APPL2: variants seen among roughly 807,000 people sequenced by gnomAD.
APPL2 encodes DCC-interacting protein 13-beta.
A neutral mutation model predicts 92.7 loss-of-function variants in APPL2; 84 were observed. That is an observed-to-expected ratio of 0.91 (90% CI 0.76 to 1.09). The LOEUF (loss-of-function observed/expected upper bound fraction) is 1.09. Ranked by LOEUF, APPL2 falls within the 50% of genes least tolerant of loss-of-function variation. The probability of loss-of-function intolerance (pLI) is 0.00; values close to 1 mark genes in which losing one functional copy is unlikely to be tolerated. For missense variants in APPL2, 736 were observed against 824.5 expected (o/e 0.89, Z 1.31); for synonymous variants, 291 against 291.0 (o/e 1.00, Z 0.00).
intron 19 of APPL2, 33 bp downstream of exon 19, chr12:105,176,843 G>A (rs780610422): frequency 1.2e-6 from 2 of 1,608,048 alleles, no homozygotes; most frequent in East Asian, 2.2e-5. Context: ...GTTTGGACTG[G>A]GATATTATGG....
intron 17 of APPL2, among the ~76,000 whole-genome samples, chr12:105,178,846 A>G (rs1457694962): frequency 6.6e-6 from 1 of 152,242 alleles, no homozygotes; most frequent in African/African-American, 2.4e-5. Flanking sequence ...TTTTGAATAT[A>G]GATCATAAAC....
chr12:105,185,444 A>G (rs1886514575), intron 17 of APPL2, among the ~76,000 whole-genome samples: 1 of 152,106 alleles, frequency 6.6e-6, no homozygotes, highest in Non-Finnish European at 1.5e-5. Flanking sequence ...GCAAAAGCCT[A>G]GTATCTGGGC....
chr12:105,187,565 C>T (rs1886839243), intron 17 of APPL2, among the ~76,000 whole-genome samples: 1 of 152,136 alleles, frequency 6.6e-6, no homozygotes, highest in East Asian at 1.9e-4. Flanking sequence ...GTAATGGAAG[C>T]CTTATATGTC....
At position 105,207,111 on chromosome 12, in the gene APPL2, T is replaced by C. The variant is rs1465027049; in HGVS notation, c.571A>G (p.Arg191Gly). The stretch of plus-strand genomic sequence containing the variant: ...GGCTCCATCATGGCCATTTGCTTTC[T>C]GTACTGCAGCGCGTTGAGGGCACAG... ...YYCALNALQY[R>G]KQMAMMEPMI... Residue 191 changes from arginine to glycine, a missense_variant, in exon 8 of 21, where the codon AGA (arginine) becomes GGA (glycine). Physicochemically the swap from Arg to Gly is moderately radical, Grantham distance 125. Coordinates refer to ENST00000258530, the MANE Select transcript of APPL2 (RefSeq NM_018171.5). 2 of 1,614,096 alleles carry C rather than the reference T, an allele frequency of 1.2e-6. No individual in the cohort carries two copies. The highest frequency in any genetic ancestry group is 1.1e-5 in the South Asian group (1 of 91,090).
chr12:105,215,654 G>A (rs1253131972), intron 4 of APPL2, among the ~76,000 whole-genome samples: 2 of 152,276 alleles, frequency 1.3e-5, no homozygotes, highest in East Asian at 3.9e-4. Context: ...AGTATCTACT[G>A]CAGATCAATA....
intron 1 of APPL2, among the ~76,000 whole-genome samples, chr12:105,234,637 G>A (rs188699147): frequency 6.6e-6 from 1 of 152,202 alleles, no homozygotes; most frequent in African/African-American, 2.4e-5. Flanking sequence ...GTTTCCATAA[G>A]TGCAAGGCAA....
At chr12:105,180,551 T>C (rs1886013117) in intron 17 of APPL2, among the ~76,000 whole-genome samples, 1 of 151,694 alleles carries the variant, frequency 6.6e-6, no homozygotes, top group African/African-American at 2.4e-5. Context: ...CACTATTACT[T>C]TGGGCAGTAT....
chr12:105,216,969 A>G, intron 4 of APPL2, 100 bp downstream of exon 4: 3 of 778,626 alleles, frequency 3.9e-6, no homozygotes, highest in Non-Finnish European at 6.3e-6. Flanking sequence ...ACCTTCTCAG[A>G]TATTTAAGTA....
intron 5 of APPL2, among the ~76,000 whole-genome samples, chr12:105,209,113 GT>G (rs1320857713): frequency 1.3e-5 from 2 of 151,794 alleles, no homozygotes; most frequent in African/African-American, 2.4e-5. Flanking sequence ...CAAGTTTTAG[GT>G]TTCTTTACTT....
intron 14 of APPL2, among the ~76,000 whole-genome samples, chr12:105,192,963 T>C (rs565436375): frequency 2.4e-4 from 37 of 151,258 alleles, no homozygotes; most frequent in Non-Finnish European, 3.7e-4. Flanking sequence ...TCTGATTCTT[T>C]CCCCCCCCAC....
At position 105,180,615 on chromosome 12, in the gene APPL2, A is replaced by G. The variant is rs540688561; in HGVS notation, c.1635-3353T>C. Reference sequence around the variant, plus strand: ...ATCCATGAGCATGGCATGTTTTTCCATTTGTTTGTGTCCTCTCTTATTTCC... The same window carrying G: ...ATCCATGAGCATGGCATGTTTTTCCGTTTGTTTGTGTCCTCTCTTATTTCC... On this transcript the variant is annotated intron_variant, in intron 17 of 20. Transcript: ENST00000258530. Among the ~76,000 whole-genome samples, 3 of 152,242 alleles carry G rather than the reference A, an allele frequency of 2.0e-5. No individual in the cohort carries two copies. In the South Asian group the frequency reaches 6.2e-4, roughly 32 times the overall value.
intron 1 of APPL2, among the ~76,000 whole-genome samples, chr12:105,231,858 T>G (rs751180460): frequency 6.6e-6 from 1 of 152,222 alleles, no homozygotes; most frequent in Non-Finnish European, 1.5e-5. Flanking sequence ...CCAGCTACCT[T>G]GGACACTGGC....
At chr12:105,207,253 G>T in intron 7 of APPL2, 46 bp from the exon 8 acceptor site, 1 of 1,562,672 alleles carries the variant, frequency 6.4e-7, no homozygotes, top group South Asian at 1.2e-5. Context: ...TACTGTACGT[G>T]ACAATTCTGT....
At chr12:105,208,901 C>A (rs1328253850) in intron 5 of APPL2, among the ~76,000 whole-genome samples, 1 of 152,184 alleles carries the variant, frequency 6.6e-6, no homozygotes, top group African/African-American at 2.4e-5. Flanking sequence ...AATTCTACAA[C>A]AATCCATTTT....
intron 2 of APPL2, among the ~76,000 whole-genome samples, chr12:105,225,998 C>T (rs753962486): frequency 6.6e-6 from 1 of 152,076 alleles, no homozygotes; most frequent in South Asian, 2.1e-4. Flanking sequence ...CTGTATCTTG[C>T]GGAGAGTCTG....
At chr12:105,230,860 TAAGGA>T (rs1890870986) in intron 1 of APPL2, among the ~76,000 whole-genome samples, 1 of 152,162 alleles carries the variant, frequency 6.6e-6, no homozygotes, top group Non-Finnish European at 1.5e-5. Context: ...CAATAATGAA[TAAGGA>T]AATTGTAACA....
chr12:105,228,524 A>G (rs756527528), intron 2 of APPL2, among the ~76,000 whole-genome samples: 2 of 152,252 alleles, frequency 1.3e-5, no homozygotes, highest in African/African-American at 2.4e-5. Flanking sequence ...GCTTTGTAAC[A>G]TAAAGCATTT....
intron 17 of APPL2, among the ~76,000 whole-genome samples, chr12:105,186,711 C>CATATATA (rs879874537): frequency 1.0e-4 from 4 of 38,542 alleles, no homozygotes; most frequent in Admixed American, 7.3e-4. Context: ...TATCATATAT[C>CATATATA]ATATCATATA....
chr12:105,219,977 A>C (rs930185395), intron 2 of APPL2, among the ~76,000 whole-genome samples: 1 of 152,246 alleles, frequency 6.6e-6, no homozygotes, highest in Non-Finnish European at 1.5e-5. Flanking sequence ...CCCTATGCTA[A>C]ATGCATTCTG....
Sources: gnomAD v4.1 joint callset for allele counts (sites outside exome capture counted in the v4.1 genomes callset) on GRCh38, gnomAD v4.1.1 for gene constraint, MANE v1.5 for transcripts, NCBI Gene and HGNC (gene_info 2026-07-23, HGNC 2026-07-21) for gene names.